ACVR1C: variants seen among roughly 807,000 people sequenced by gnomAD.
ACVR1C encodes the protein activin receptor type-1C.
A neutral mutation model predicts 57.9 loss-of-function variants in ACVR1C; 23 were observed. The observed-to-expected ratio is 0.40, with a 90% confidence interval of 0.29 to 0.56. ACVR1C has a LOEUF of 0.56. Among genes scored for constraint, ACVR1C ranks in the 20% least tolerant of loss-of-function variants. The pLI is 0.50. For missense variants in ACVR1C, 480 were observed against 607.9 expected (o/e 0.79, Z 2.21); for synonymous variants, 214 against 215.3 (o/e 0.99, Z 0.05).
intron 2 of ACVR1C, among the ~76,000 whole-genome samples, chr2:157,565,042 T>C (rs542458357): frequency 1.3e-5 from 2 of 152,066 alleles, no homozygotes; most frequent in South Asian, 2.1e-4. Flanking sequence ...GGTTGATAGG[T>C]GCAGCAAAGC....
chr2:157,628,682 G>A lies in ACVR1C; in HGVS notation c.-38C>T. On this transcript the variant is annotated 5_prime_UTR_variant, in exon 1 of 9. Coordinates refer to ENST00000243349, the MANE Select transcript of ACVR1C (RefSeq NM_145259.3). ...GCCGCGCCGGGGCTGCGAGGCCCCA[G>A]AGCAGAGCGAGGCAGCCGGGGCAGC... is the stretch of plus-strand genomic sequence containing the variant. 6.6e-7 allele frequency: 1 copy of A among 1,507,576 alleles called. No homozygotes were observed. The highest frequency in any genetic ancestry group is 8.8e-7 in the Non-Finnish European group (1 of 1,130,776). 93.4% of individuals were successfully genotyped at this position (1,507,576 alleles called of 1,614,324 possible). A position where few individuals can be genotyped will look rare whatever the true frequency, so the allele number is the denominator to read the frequency against.
At chr2:157,591,091 G>A (rs939913867) in intron 1 of ACVR1C, among the ~76,000 whole-genome samples, 13 of 151,898 alleles carry the variant, frequency 8.6e-5, no homozygotes, top group African/African-American at 3.1e-4. Flanking sequence ...GCAAACAAGC[G>A]AAACAATCAA....
Position 157,529,609 on chromosome 2 carries a change from C to A in ACVR1C, c.*4309G>T, listed in dbSNP as rs10167207. 128,235 of 151,982 alleles carry A rather than the reference C, an allele frequency of 0.84. 54,345 individuals are homozygous for A. The highest frequency in any genetic ancestry group is 0.91 in the African/African-American group (37,633 of 41,490). 9.4% of individuals were successfully genotyped at this position (151,982 alleles called of 1,614,324 possible). On this transcript the variant is annotated 3_prime_UTR_variant, in exon 9 of 9. Coordinates refer to ENST00000243349, the MANE Select transcript of ACVR1C (RefSeq NM_145259.3). Reference sequence around the variant, plus strand: ...CTCTGATCCTTGGTTTCGTCATCTACACAAAATTGGAATAACTTTATATAA... The same window carrying A: ...CTCTGATCCTTGGTTTCGTCATCTAAACAAAATTGGAATAACTTTATATAA...
chr2:157,538,608 G>T lies in ACVR1C; in HGVS notation c.1321C>A (p.Arg441=). The T allele has an allele frequency of 1.9e-6, 3 of 1,578,840 alleles. No individual in the cohort carries two copies. The highest frequency in any genetic ancestry group is 2.6e-6 in the Non-Finnish European group (3 of 1,163,126). ...TGCCACTGGTTTGGGATACTTGGTC[G>T]AAACTTCTGGTCACAAACAACCTTT... ...MRKVVCDQKF[R]PSIPNQWQSC... Residue 441 remains arginine, a synonymous_variant, in exon 8 of 9, where the codon CGA becomes AGA. Coordinates refer to ENST00000243349, the MANE Select transcript of ACVR1C (RefSeq NM_145259.3).
rs533304833 is a variant in ACVR1C at position 157,550,992 on chromosome 2, G to A, written c.545-600C>T. Among the ~76,000 whole-genome samples the A allele has an allele frequency of 2.1e-3, 323 of 152,130 alleles. 4 individuals are homozygous for A. Among genetic ancestry groups the A allele is most frequent in the African/African-American group, 7.5e-3 (310 of 41,502 alleles). On this transcript the variant is annotated intron_variant, in intron 3 of 8. Transcript: ENST00000243349. ...AATATATCCTGAATGTATGTATAAC[G>A]CTTATATTCTTTGAACTACTAACTC...
Position 157,538,601 on chromosome 2 carries a change from C to CA in ACVR1C, c.1327_1328insT (p.Ser443MetfsTer10). 1 of 1,578,670 alleles carries CA rather than the reference C, an allele frequency of 6.3e-7. No individual in the cohort carries two copies. The highest frequency in any genetic ancestry group is 8.6e-7 in the Non-Finnish European group (1 of 1,163,266). ...ACAACTTTGCCACTGGTTTGGGATA[C>CA]TTGGTCGAAACTTCTGGTCACAAAC... is the stretch of plus-strand genomic sequence containing the variant. On this transcript the variant is annotated frameshift_variant, in exon 8 of 9. Coordinates refer to ENST00000243349, the MANE Select transcript of ACVR1C (RefSeq NM_145259.3). LOFTEE classifies it high-confidence loss of function.
chr2:157,557,575 C>T (rs1013473549), intron 2 of ACVR1C, among the ~76,000 whole-genome samples: 2 of 152,070 alleles, frequency 1.3e-5, no homozygotes, highest in Admixed American at 1.3e-4. Context: ...AGAAGTTTGC[C>T]TGCTTTGTTC....
chr2:157,593,355 T>TG (rs1449167713), intron 1 of ACVR1C, among the ~76,000 whole-genome samples: 3 of 152,210 alleles, frequency 2.0e-5, no homozygotes, highest in African/African-American at 7.2e-5. Context: ...TGGTTACATA[T>TG]TACTACGTTT....
At chr2:157,599,547 C>G (rs1196080775) in intron 1 of ACVR1C, among the ~76,000 whole-genome samples, 2 of 152,000 alleles carry the variant, frequency 1.3e-5, no homozygotes, top group Non-Finnish European at 2.9e-5. Context: ...TACTGGAGCA[C>G]AAATCTTAAC....
intron 1 of ACVR1C, among the ~76,000 whole-genome samples, chr2:157,617,832 A>G (rs1682688154): frequency 6.6e-6 from 1 of 151,986 alleles, no homozygotes; most frequent in Non-Finnish European, 1.5e-5. Flanking sequence ...GTATAATCCA[A>G]TTGGTCAGTA....
Position 157,591,886 on chromosome 2 carries a change from C to T in ACVR1C, c.74-4469G>A, listed in dbSNP as rs568410147. 1.2e-3 allele frequency among the ~76,000 whole-genome samples: 188 copies of T among 151,982 alleles called. 1 individual carries two copies. The highest frequency in any genetic ancestry group is 1.3e-3 in the Non-Finnish European group (89 of 67,930). ...TCAAAAAGACAAAGTGACTGACTTA[C>T]GTAACAGTCTCTGGACTACTCAAGC... On this transcript the variant is annotated intron_variant, in intron 1 of 8. Coordinates refer to ENST00000243349, the MANE Select transcript of ACVR1C (RefSeq NM_145259.3).
chr2:157,554,109 G>A (rs1687991238), intron 3 of ACVR1C, among the ~76,000 whole-genome samples: 1 of 150,292 alleles, frequency 6.7e-6, no homozygotes, highest in Non-Finnish European at 1.5e-5. Context: ...CTTGAATCCA[G>A]GAGGGAGAGG....
chr2:157,533,021 G>A lies in ACVR1C; in HGVS notation c.*897C>T, dbSNP rs1330742373. 3.9e-5 allele frequency: 6 copies of A among 152,172 alleles called. No individual in the cohort carries two copies. The highest frequency in any genetic ancestry group is 8.8e-5 in the Non-Finnish European group (6 of 68,026). 9.4% of individuals were successfully genotyped at this position (152,172 alleles called of 1,614,324 possible). On this transcript the variant is annotated 3_prime_UTR_variant, in exon 9 of 9. Coordinates refer to ENST00000243349, the MANE Select transcript of ACVR1C (RefSeq NM_145259.3). The stretch of plus-strand genomic sequence containing the variant: ...ATTTCTATGAGAAAAAATGTCAACA[G>A]ATATGGTTCTGAGATTTTGTGCGGG...
At chr2:157,541,260 A>T (rs1482291578) in intron 6 of ACVR1C, 46 bp from the exon 7 acceptor site, 1 of 1,562,834 alleles carries the variant, frequency 6.4e-7, no homozygotes, top group Non-Finnish European at 8.6e-7. Context: ...ACTTTATAGC[A>T]GTCCAGTAAA....
chr2:157,601,333 T>TA (rs1019200222), intron 1 of ACVR1C, among the ~76,000 whole-genome samples: 3 of 151,386 alleles, frequency 2.0e-5, no homozygotes, highest in Middle Eastern at 3.2e-3. Flanking sequence ...AAAATAAAAA[T>TA]AAAAAAAATA....
chr2:157,597,340 C>T (rs1682152935), intron 1 of ACVR1C: 3 of 985,722 alleles, frequency 3.0e-6, no homozygotes, highest in African/African-American at 1.7e-5. Flanking sequence ...CCCGGCCCGC[C>T]CCCGGGGAGC....
intron 1 of ACVR1C, among the ~76,000 whole-genome samples, chr2:157,597,045 T>A (rs1334044240): frequency 6.6e-6 from 1 of 151,744 alleles, no homozygotes; most frequent in Non-Finnish European, 1.5e-5. Flanking sequence ...TGGAGGTGAA[T>A]CTTGAGAAGC....
intron 2 of ACVR1C, among the ~76,000 whole-genome samples, chr2:157,561,711 G>C (rs4505472): frequency 0.33 from 50,171 of 152,026 alleles, 8,827 homozygotes; most frequent in Non-Finnish European, 0.4. Context: ...AAATCATCAT[G>C]ATGAACCTCC....
intron 2 of ACVR1C, among the ~76,000 whole-genome samples, chr2:157,565,956 A>C (rs1480503120): frequency 1.3e-5 from 2 of 152,226 alleles, no homozygotes; most frequent in Non-Finnish European, 2.9e-5. Context: ...CGCTGTCATA[A>C]AAAGTATAAA....
Sources: gnomAD v4.1 joint callset for allele counts (sites outside exome capture counted in the v4.1 genomes callset) on GRCh38, gnomAD v4.1.1 for gene constraint, MANE v1.5 for transcripts, NCBI Gene and HGNC (gene_info 2026-07-23, HGNC 2026-07-21) for gene names.